Variants in GPATCH2L observed in about 807,000 individuals in gnomAD.
GPATCH2L encodes G-patch domain containing 2 like.
A neutral mutation model predicts 57.4 loss-of-function variants in GPATCH2L; 31 were observed. The ratio of observed to expected loss-of-function variants is 0.54; its 90% CI spans 0.41 to 0.73. The LOEUF (loss-of-function observed/expected upper bound fraction) is 0.73, where lower values mean the gene tolerates loss of function less well. Ranked by LOEUF, GPATCH2L falls within the 30% of genes least tolerant of loss-of-function variation. The probability of loss-of-function intolerance (pLI) is 0.00; values close to 1 mark genes in which losing one functional copy is unlikely to be tolerated. For synonymous variants in GPATCH2L, 199 were observed against 210.7 expected (o/e 0.94, Z 0.48); for missense variants, 481 against 599.9 (o/e 0.80, Z 2.07).
chr14:76,163,383 ACTCAGTTC>A (rs1465008070), intron 2 of GPATCH2L, among the ~76,000 whole-genome samples: 2 of 152,148 alleles, frequency 1.3e-5, no homozygotes, highest in Non-Finnish European at 2.9e-5. Flanking sequence ...TTCTGAATAA[ACTCAGTTC>A]AAGTATCAAA....
intron 2 of GPATCH2L, among the ~76,000 whole-genome samples, chr14:76,162,703 T>A (rs2543387): frequency 1.3e-5 from 2 of 152,040 alleles, no homozygotes; most frequent in African/African-American, 2.4e-5. Context: ...CAAAGGAAGA[T>A]CATTCAGGAA....
intron 8 of GPATCH2L, among the ~76,000 whole-genome samples, chr14:76,191,716 A>G (rs1428322599): frequency 2.6e-5 from 4 of 152,152 alleles, no homozygotes; most frequent in South Asian, 2.1e-4. Context: ...ATTTCAATAC[A>G]TACAATAGTG....
chr14:76,182,604 AAAG>A (rs2039617037), intron 8 of GPATCH2L, among the ~76,000 whole-genome samples: 2 of 150,478 alleles, frequency 1.3e-5, no homozygotes, highest in African/African-American at 2.5e-5. Context: ...AAAAAAAAAA[AAAG>A]AAAAGAATGT....
intron 7 of GPATCH2L, 113 bp from the exon 8 acceptor site, chr14:76,180,651 G>C: frequency 1.4e-6 from 1 of 737,902 alleles, no homozygotes; most frequent in Non-Finnish European, 2.4e-6. Context: ...CCTGTGTTTG[G>C]TATAACAAGA....
intron 1 of GPATCH2L, among the ~76,000 whole-genome samples, chr14:76,225,237 T>C (rs1165240395): frequency 6.6e-6 from 1 of 152,186 alleles, no homozygotes; most frequent in African/African-American, 2.4e-5. Context: ...CAGTAATTAA[T>C]ACCATGTGGT....
Position 76,173,531 on chromosome 14 carries a change from T to C in GPATCH2L, c.905-15T>C, listed in dbSNP as rs374329052. The C allele has an allele frequency of 6.3e-7, 1 of 1,581,488 alleles. No homozygotes were observed. Among genetic ancestry groups the C allele is most frequent in the African/African-American group, 1.4e-5 (1 of 74,024 alleles). ...TTTCTGCATTCGGTATCTGAGGCCT[T>C]CCTTCTTTTTTTAGGGTACCATACT... On this transcript the variant is annotated splice_polypyrimidine_tract_variant and intron_variant, in intron 4 of 9. Transcript: ENST00000261530.
chr14:76,176,711 T>G, intron 6 of GPATCH2L, 21 bp downstream of exon 6: 1 of 1,526,538 alleles, frequency 6.6e-7, no homozygotes, highest in Non-Finnish European at 9.1e-7. Context: ...ATGTATTTAC[T>G]GGCTGTGCTA....
At chr14:76,225,518 GAA>G (rs2040533507) in intron 1 of GPATCH2L, among the ~76,000 whole-genome samples, 3 of 151,614 alleles carry the variant, frequency 2.0e-5, no homozygotes, top group Admixed American at 2.0e-4. Context: ...TTAAAAAAAG[GAA>G]AGTGTCTTCA....
At chr14:76,157,640 T>G (rs2139559032) in intron 2 of GPATCH2L, among the ~76,000 whole-genome samples, 1 of 151,770 alleles carries the variant, frequency 6.6e-6, no homozygotes, top group East Asian at 1.9e-4. Flanking sequence ...TGAAGTTGAT[T>G]GTTAAGCTTA....
In GPATCH2L at chr14:76,154,957, A is replaced by C. The variant is rs924419126; in HGVS notation, c.594A>C (p.Gly198=). ...ATAGGACTTTCCTAAGCAAAACAGGAAGGAAAGAAAGGATGGAGTGTGAAA... is the reference window on the plus strand; with the variant it reads ...ATAGGACTTTCCTAAGCAAAACAGGCAGGAAAGAAAGGATGGAGTGTGAAA... ...AENRTFLSKT[G]RKERMECETD... The change falls in exon 2 of 10, where the codon GGA becomes GGC. Residue 198 remains glycine (G), a synonymous_variant. Transcript: ENST00000261530. The surrounding 1 kb of genome is among the most constrained non-coding windows in gnomAD (Gnocchi z 4.4). 1.2e-6 allele frequency: 2 copies of C among 1,614,042 alleles called. No individual in the cohort carries two copies. Among genetic ancestry groups the C allele is most frequent in the Admixed American group, 1.7e-5 (1 of 60,030 alleles).
rs2139827183 is a variant in GPATCH2L, at chr14:76,201,728, A to G, written c.1326A>G (p.Ser442=). 1 of 1,613,878 alleles carries G rather than the reference A, an allele frequency of 6.2e-7. No homozygotes were observed. Among genetic ancestry groups the G allele is most frequent in the Non-Finnish European group, 8.5e-7 (1 of 1,179,894 alleles). Residue 442 remains serine (S), a synonymous_variant, in exon 10 of 10, where the codon TCA becomes TCG. Coordinates refer to ENST00000261530, the MANE Select transcript of GPATCH2L (RefSeq NM_017926.4). ...MDAVEPTTPA[S]QAPKSPSSEW... is the part of the protein sequence containing the mutation. The stretch of plus-strand genomic sequence containing the variant: ...CAGTGGAGCCAACCACACCAGCATC[A>G]CAAGCCCCCAAATCACCCAGCTCTG...
intron 4 of GPATCH2L, 76 bp downstream of exon 4, chr14:76,172,095 T>C: frequency 1.1e-6 from 1 of 873,032 alleles, no homozygotes; most frequent in East Asian, 2.7e-5. Flanking sequence ...CTAGCAAGCA[T>C]ACTCATGCCT....
At chr14:76,191,743 T>G (rs1202790402) in intron 8 of GPATCH2L, among the ~76,000 whole-genome samples, 2 of 152,162 alleles carry the variant, frequency 1.3e-5, no homozygotes, top group Non-Finnish European at 2.9e-5. Flanking sequence ...TCAGGGTCAT[T>G]AGCATATCCA....
rs2139838756 is a variant in GPATCH2L, at chr14:76,206,923, T to TA, written c.*5072_*5073insA. The TA allele has an allele frequency of 6.8e-6, 1 of 146,992 alleles. No homozygotes were observed. The highest frequency in any genetic ancestry group is 2.5e-5 in the African/African-American group (1 of 40,546). The allele number at this position is 146,992 out of a possible 1,614,324, so 9.1% of individuals were successfully genotyped here. On this transcript the variant is annotated 3_prime_UTR_variant, in exon 10 of 10. Transcript: ENST00000261530. ...ACTGTTAATGTCTTTATTTCTCATATTTTTTTTTTCCCCTACAAGCTCCTG... is the reference window on the plus strand; with the variant it reads ...ACTGTTAATGTCTTTATTTCTCATATATTTTTTTTTCCCCTACAAGCTCCTG...
downstream of GPATCH2L, among the ~76,000 whole-genome samples, chr14:76,215,855 A>G (rs543156483): frequency 3.3e-5 from 5 of 151,616 alleles, no homozygotes; most frequent in Non-Finnish European, 5.9e-5. Context: ...AGCATGGCAC[A>G]TGTATACATA....
intron 9 of GPATCH2L, among the ~76,000 whole-genome samples, chr14:76,198,284 C>A (rs2040216619): frequency 6.6e-6 from 1 of 152,138 alleles, no homozygotes; most frequent in Non-Finnish European, 1.5e-5. Flanking sequence ...CAGGGATTTC[C>A]CTGCAAGTGT....
downstream of GPATCH2L, among the ~76,000 whole-genome samples, chr14:76,215,769 G>A (rs2040485749): frequency 8.5e-6 from 1 of 117,466 alleles, no homozygotes; most frequent in Admixed American, 1.0e-4. Context: ...ACTGTGGTGG[G>A]GTGGGGGGAG....
chr14:76,181,274 A>ATTGCAGCAGTCCTTTC, intron 8 of GPATCH2L, among the ~76,000 whole-genome samples: 1 of 152,282 alleles, frequency 6.6e-6, no homozygotes, highest in East Asian at 1.9e-4. Context: ...TTCTTCAAAA[A>ATTGCAGCAGTCCTTTC]TTGCAGCAGT....
At chr14:76,235,432 G>C (rs1320569427) in intron 2 of GPATCH2L, among the ~76,000 whole-genome samples, 2 of 152,146 alleles carry the variant, frequency 1.3e-5, no homozygotes, top group Non-Finnish European at 2.9e-5. Flanking sequence ...ACCTGGACAA[G>C]CTCTCTTGCC....
Sources: gnomAD v4.1 joint callset for allele counts (sites outside exome capture counted in the v4.1 genomes callset) on GRCh38, gnomAD v4.1.1 for gene constraint, Gnocchi (gnomAD v3.1) non-coding constraint, MANE v1.5 for transcripts, NCBI Gene and HGNC (gene_info 2026-07-23, HGNC 2026-07-21) for gene names.